ERBB4: variants seen among roughly 807,000 people sequenced by gnomAD.
ERBB4 encodes the protein erb-b2 receptor tyrosine kinase 4, also known as receptor tyrosine-protein kinase erbB-4.
ERBB4 carries 42 observed loss-of-function variants against 158.0 expected under a neutral mutation model. The ratio of observed to expected loss-of-function variants is 0.27; its 90% CI spans 0.21 to 0.34. The LOEUF is 0.34. Among genes scored for constraint, ERBB4 ranks in the 10% least tolerant of loss-of-function variants. The probability of loss-of-function intolerance (pLI) is 1.00; values close to 1 mark genes in which losing one functional copy is unlikely to be tolerated. For synonymous variants in ERBB4, 583 were observed against 558.7 expected (o/e 1.04, Z -0.61); for missense variants, 1,333 against 1,624.1 (o/e 0.82, Z 3.08).
intron 16 of ERBB4, among the ~76,000 whole-genome samples, chr2:211,634,029 T>TGCAC (rs1290106470): frequency 6.6e-6 from 1 of 152,140 alleles, no homozygotes; most frequent in Non-Finnish European, 1.5e-5. Context: ...CGTGGTGGCA[T>TGCAC]GCACCTGTAA....
At chr2:212,338,720 T>C (rs1037411748) in intron 1 of ERBB4, among the ~76,000 whole-genome samples, 9 of 152,266 alleles carry the variant, frequency 5.9e-5, no homozygotes, top group East Asian at 1.9e-4. Flanking sequence ...CCTCCAAGTA[T>C]TGAATTATCT....
chr2:211,898,062 G>A (rs2079145390), intron 3 of ERBB4, among the ~76,000 whole-genome samples: 1 of 151,438 alleles, frequency 6.6e-6, no homozygotes, highest in African/African-American at 2.4e-5. Flanking sequence ...TTTCACCCAG[G>A]CTGATTTTTT....
chr2:212,265,007 T>A (rs1263644183), intron 1 of ERBB4, among the ~76,000 whole-genome samples: 2 of 152,014 alleles, frequency 1.3e-5, no homozygotes, highest in Non-Finnish European at 2.9e-5. Flanking sequence ...CCCTGGAAAA[T>A]CCCCTATGTG....
In ERBB4 at chr2:211,772,955, A is replaced by ATATATTTTT. The variant is rs1553630145; in HGVS notation, c.556+15069_556+15070insAAAAATATA. ...TATATATATATATATATATATATAT[A>ATATATTTTT]TTTTTTTTTTTAAAGATGGGGTCCT... On this transcript the variant is annotated intron_variant, in intron 4 of 27. Transcript: ENST00000342788. Among the ~76,000 whole-genome samples the ATATATTTTT allele has an allele frequency of 1.6e-3, 136 of 83,290 alleles. 7 individuals are homozygous for ATATATTTTT. Among genetic ancestry groups the ATATATTTTT allele is most frequent in the South Asian group, 0.016 (33 of 2,052 alleles). 54.6% of individuals were successfully genotyped at this position (83,290 alleles called of 152,430 possible).
At chr2:211,589,886 CCA>C (rs759714899) in intron 19 of ERBB4, among the ~76,000 whole-genome samples, 8 of 152,094 alleles carry the variant, frequency 5.3e-5, no homozygotes, top group East Asian at 1.9e-4. Context: ...CAATTTGTGA[CCA>C]CAGTTATTAG....
At chr2:212,402,250 GTCAATC>G (rs1302862399) in intron 1 of ERBB4, among the ~76,000 whole-genome samples, 7 of 152,170 alleles carry the variant, frequency 4.6e-5, no homozygotes, top group Admixed American at 6.6e-5. Flanking sequence ...GTGAAAAAAA[GTCAATC>G]TCAAAGATTC....
chr2:211,650,339 T>C (rs1474472575), intron 16 of ERBB4, among the ~76,000 whole-genome samples: 1 of 152,112 alleles, frequency 6.6e-6, no homozygotes, highest in Non-Finnish European at 1.5e-5. Flanking sequence ...TTAAGATCTA[T>C]GAAATATAAT....
intron 3 of ERBB4, among the ~76,000 whole-genome samples, chr2:211,792,980 C>T (rs1254014503): frequency 6.6e-6 from 1 of 151,842 alleles, no homozygotes; most frequent in Admixed American, 6.6e-5. Context: ...TGGTAAAATA[C>T]TGAATAATAG....
chr2:212,462,143 A>T (rs1157741446), intron 1 of ERBB4, among the ~76,000 whole-genome samples: 4 of 151,628 alleles, frequency 2.6e-5, no homozygotes, highest in Non-Finnish European at 5.9e-5. Flanking sequence ...GACCCAAAAC[A>T]ATGACACTAC....
intron 1 of ERBB4, among the ~76,000 whole-genome samples, chr2:212,132,838 C>T (rs1375975823): frequency 6.6e-6 from 1 of 152,054 alleles, no homozygotes; most frequent in Non-Finnish European, 1.5e-5. Flanking sequence ...TATATATATG[C>T]TATCTGTGCA....
chr2:211,899,144 G>A (rs1031576028), intron 3 of ERBB4, among the ~76,000 whole-genome samples: 1 of 152,074 alleles, frequency 6.6e-6, no homozygotes. Flanking sequence ...ACAACCGTGG[G>A]ATTCTTGGAA....
chr2:212,434,854 TA>T (rs1263310908), intron 1 of ERBB4, among the ~76,000 whole-genome samples: 2 of 152,044 alleles, frequency 1.3e-5, no homozygotes, highest in Non-Finnish European at 2.9e-5. Flanking sequence ...GCCTATTGGA[TA>T]AAAATGTAAA....
At chr2:212,233,823 T>C (rs1221759682) in intron 1 of ERBB4, among the ~76,000 whole-genome samples, 1 of 152,044 alleles carries the variant, frequency 6.6e-6, no homozygotes, top group Non-Finnish European at 1.5e-5. Flanking sequence ...CTACTTACAC[T>C]TTTGTGCATG....
At chr2:211,973,688 C>A (rs1181199427) in intron 2 of ERBB4, among the ~76,000 whole-genome samples, 1 of 152,116 alleles carries the variant, frequency 6.6e-6, no homozygotes, top group African/African-American at 2.4e-5. Flanking sequence ...CCTCGAAGAC[C>A]TAAAAACAGA....
intron 1 of ERBB4, among the ~76,000 whole-genome samples, chr2:212,397,564 A>G (rs1376968957): frequency 6.6e-6 from 1 of 151,904 alleles, no homozygotes; most frequent in African/African-American, 2.4e-5. Flanking sequence ...TTCCAAATCA[A>G]TGGGATTTTA....
intron 1 of ERBB4, among the ~76,000 whole-genome samples, chr2:212,141,357 C>T (rs1484486632): frequency 2.0e-5 from 3 of 151,862 alleles, no homozygotes; most frequent in East Asian, 1.9e-4. Flanking sequence ...CTCCCTGGTT[C>T]CCTCCATTTG....
chr2:211,429,821 C>A (rs2063711815), intron 21 of ERBB4, among the ~76,000 whole-genome samples: 1 of 152,186 alleles, frequency 6.6e-6, no homozygotes, highest in African/African-American at 2.4e-5. Context: ...GTTTAAATCA[C>A]AGGTAGCTTG....
At chr2:212,347,214 T>C (rs1487429306) in intron 1 of ERBB4, among the ~76,000 whole-genome samples, 2 of 152,144 alleles carry the variant, frequency 1.3e-5, no homozygotes, top group Non-Finnish European at 2.9e-5. Context: ...GGAAGAAAAA[T>C]GCAGTTATAT....
chr2:211,756,384 CA>C (rs370273686), intron 4 of ERBB4, among the ~76,000 whole-genome samples: 4 of 152,038 alleles, frequency 2.6e-5, no homozygotes, highest in African/African-American at 7.2e-5. Flanking sequence ...CATGGATGAG[CA>C]CAACTGTTTG....
Sources: allele counts gnomAD v4.1 joint callset (sites outside exome capture counted in the v4.1 genomes callset), GRCh38; gene constraint gnomAD v4.1.1; transcripts MANE v1.5; gene names NCBI Gene and HGNC (gene_info 2026-07-23, HGNC 2026-07-21).